Variants in NRXN1 observed in about 807,000 individuals in gnomAD.
The protein encoded by NRXN1 is neurexin-1.
Under a neutral mutation model 150.9 loss-of-function variants are expected in NRXN1, and 39 were observed. The ratio of observed to expected loss-of-function variants is 0.26; its 90% CI spans 0.20 to 0.34. The LOEUF (loss-of-function observed/expected upper bound fraction) is 0.34. Ranked by LOEUF, NRXN1 falls within the 10% of genes least tolerant of loss-of-function variation. The pLI, the probability that NRXN1 is intolerant of heterozygous loss-of-function variation, is 1.00. For missense variants in NRXN1, 1,815 were observed against 1,949.9 expected (o/e 0.93, Z 1.30); for synonymous variants, 924 against 757.0 (o/e 1.22, Z -3.62).
chr2:50,443,718 C>CT (rs1398567422), intron 17 of NRXN1, among the ~76,000 whole-genome samples: 8 of 152,084 alleles, frequency 5.3e-5, no homozygotes, highest in Non-Finnish European at 1.2e-4. Flanking sequence ...CATTACAGAA[C>CT]TTAAAGAAGG....
intron 2 of NRXN1, among the ~76,000 whole-genome samples, chr2:50,942,872 GAA>G (rs1281097828): frequency 2.0e-5 from 3 of 152,172 alleles, no homozygotes; most frequent in African/African-American, 7.2e-5. Context: ...TTTGAAATGT[GAA>G]AGAGACATGA....
At chr2:50,213,828 C>A (rs760627232) in intron 18 of NRXN1, among the ~76,000 whole-genome samples, 1 of 151,730 alleles carries the variant, frequency 6.6e-6, no homozygotes, top group Non-Finnish European at 1.5e-5. Flanking sequence ...GAAGGTATTC[C>A]ATTTAAAAAG....
At chr2:49,985,631 A>C (rs1486751505) in intron 21 of NRXN1, among the ~76,000 whole-genome samples, 1 of 152,192 alleles carries the variant, frequency 6.6e-6, no homozygotes, top group African/African-American at 2.4e-5. Context: ...AATTGCTTTG[A>C]GATTCTCTAC....
intron 5 of NRXN1, among the ~76,000 whole-genome samples, chr2:50,825,106 T>C (rs1028441946): frequency 1.3e-5 from 2 of 152,214 alleles, no homozygotes; most frequent in Non-Finnish European, 2.9e-5. Flanking sequence ...GTTTTGTTTA[T>C]TCATTTGGCA....
chr2:50,875,138 G>C (rs1678380749), intron 5 of NRXN1, among the ~76,000 whole-genome samples: 1 of 151,688 alleles, frequency 6.6e-6, no homozygotes, highest in Admixed American at 6.6e-5. Context: ...CAAACTTTCA[G>C]TTTGTTTCTT....
chr2:50,373,226 T>C (rs2080156041), intron 17 of NRXN1, among the ~76,000 whole-genome samples: 2 of 151,398 alleles, frequency 1.3e-5, no homozygotes, highest in Admixed American at 1.3e-4. Context: ...TATAATTACT[T>C]AGATTAGGGC....
At chr2:50,963,952 C>T (rs1208313804) in intron 2 of NRXN1, 4 of 438,478 alleles carry the variant, frequency 9.1e-6, no homozygotes, top group Non-Finnish European at 1.8e-5. Flanking sequence ...TTAATTTGAG[C>T]TCAAATAATA....
chr2:50,911,788 T>C (rs1279920282), intron 5 of NRXN1, among the ~76,000 whole-genome samples: 1 of 151,900 alleles, frequency 6.6e-6, no homozygotes, highest in African/African-American at 2.4e-5. Context: ...ACATATTCAA[T>C]TTGATTTTTG....
At chr2:50,295,856 T>A (rs896086068) in intron 17 of NRXN1, among the ~76,000 whole-genome samples, 1 of 152,336 alleles carries the variant, frequency 6.6e-6, no homozygotes, top group East Asian at 1.9e-4. Context: ...TTTACTGCAC[T>A]GAAAGACAAT....
intron 10 of NRXN1, among the ~76,000 whole-genome samples, chr2:50,538,036 G>A (rs1009285039): frequency 6.6e-6 from 1 of 152,078 alleles, no homozygotes; most frequent in Non-Finnish European, 1.5e-5. Flanking sequence ...TTCTATTCCT[G>A]CAATATACTT....
intron 5 of NRXN1, among the ~76,000 whole-genome samples, chr2:50,748,982 T>A (rs1574338107): frequency 6.6e-6 from 1 of 152,068 alleles, no homozygotes; most frequent in African/African-American, 2.4e-5. Flanking sequence ...AAGATAAACA[T>A]GCATGCTCAC....
chr2:50,571,395 G>T lies in NRXN1; in HGVS notation c.1321-18370C>A, dbSNP rs552483991. ...GCTTCTACATTCTTAGACACAATGAGGATGAAAAGTTTGAGGTTAAACCTG... is the reference window on the plus strand; with the variant it reads ...GCTTCTACATTCTTAGACACAATGATGATGAAAAGTTTGAGGTTAAACCTG... On this transcript the variant is annotated intron_variant, in intron 8 of 22. Transcript: ENST00000401669. Among the ~76,000 whole-genome samples, 5 of 152,236 alleles carry T rather than the reference G, an allele frequency of 3.3e-5. No individual in the cohort carries two copies. The South Asian group carries it at 1.0e-3, about 32-fold the overall frequency.
chr2:50,664,094 C>A (rs933359198), intron 5 of NRXN1, among the ~76,000 whole-genome samples: 1 of 151,962 alleles, frequency 6.6e-6, no homozygotes, highest in Non-Finnish European at 1.5e-5. Context: ...AGCTTACAGT[C>A]TATTATGGCA....
rs148743373 is a variant in NRXN1, at chr2:50,511,721, C to T, written c.2375-5104G>A. On this transcript the variant is annotated intron_variant, in intron 12 of 22. Coordinates refer to ENST00000401669, the MANE Select transcript of NRXN1 (RefSeq NM_001330078.2). ...TTAACCCTAACTTGAGGCATGGTAC[C>T]GACAGAGGAAAATGTGTGTTAGCAA... Among the ~76,000 whole-genome samples, 96 of 152,068 alleles carry T rather than the reference C, an allele frequency of 6.3e-4. No homozygotes were observed. The East Asian group carries it at 0.013, about 20-fold the overall frequency.
chr2:50,129,901 T>G (rs970825448), intron 18 of NRXN1, among the ~76,000 whole-genome samples: 1 of 152,218 alleles, frequency 6.6e-6, no homozygotes, highest in Non-Finnish European at 1.5e-5. Context: ...TGAATTACAG[T>G]TGAAAGTTAA....
Position 50,347,416 on chromosome 2 carries a change from G to A in NRXN1, c.3365-110446C>T, listed in dbSNP as rs141821680. On this transcript the variant is annotated intron_variant, in intron 17 of 22. Coordinates refer to ENST00000401669, the MANE Select transcript of NRXN1 (RefSeq NM_001330078.2). The surrounding 1 kb of genome is among the most constrained non-coding windows in gnomAD (Gnocchi z 4.9). ...GGTAAATCCATTTAGCTTTGTGTGC[G>A]GGGACTAGGGAGGCCACTTCGCCGG... 2 of 1,156,838 alleles carry A rather than the reference G, an allele frequency of 1.7e-6. No individual in the cohort carries two copies. Among genetic ancestry groups the A allele is most frequent in the Non-Finnish European group, 1.1e-6 (1 of 925,148 alleles). 71.7% of individuals were successfully genotyped at this position (1,156,838 alleles called of 1,614,324 possible). A position where few individuals can be genotyped will look rare whatever the true frequency, so the allele number is the denominator to read the frequency against.
intron 17 of NRXN1, among the ~76,000 whole-genome samples, chr2:50,422,590 T>A (rs1016323367): frequency 6.6e-6 from 1 of 152,184 alleles, no homozygotes; most frequent in East Asian, 1.9e-4. Flanking sequence ...GTTGGCTTTA[T>A]GTTGGTCTAA....
At chr2:50,763,030 T>A (rs1701985166) in intron 5 of NRXN1, among the ~76,000 whole-genome samples, 1 of 151,890 alleles carries the variant, frequency 6.6e-6, no homozygotes, top group African/African-American at 2.4e-5. Flanking sequence ...AAGACCCTCT[T>A]CACGTATCAC....
chr2:50,302,459 TAGATTAC>T (rs1348317759), intron 17 of NRXN1, among the ~76,000 whole-genome samples: 2 of 152,186 alleles, frequency 1.3e-5, no homozygotes, highest in Non-Finnish European at 2.9e-5. Flanking sequence ...TTGACAGTTA[TAGATTAC>T]AAAGTCCACC....
Sources: allele counts gnomAD v4.1 joint callset (sites outside exome capture counted in the v4.1 genomes callset), GRCh38; gene constraint gnomAD v4.1.1; non-coding constraint Gnocchi (gnomAD v3.1); transcripts MANE v1.5; gene names NCBI Gene and HGNC (gene_info 2026-07-23, HGNC 2026-07-21).